B4GALNT3: variants seen among roughly 807,000 people sequenced by gnomAD.
B4GALNT3 encodes beta-1,4-N-acetyl-galactosaminyltransferase 3, also known as beta-1,4-N-acetylgalactosaminyltransferase 3.
B4GALNT3 carries 86 observed loss-of-function variants against 120.2 expected under a neutral mutation model. The ratio of observed to expected loss-of-function variants is 0.72; its 90% confidence interval spans 0.60 to 0.86. B4GALNT3 has a LOEUF of 0.86. Ranked by LOEUF, B4GALNT3 falls within the 40% of genes least tolerant of loss-of-function variation. The probability of loss-of-function intolerance (pLI) is 0.00; values close to 1 mark genes in which losing one functional copy is unlikely to be tolerated. For synonymous variants in B4GALNT3, 518 were observed against 510.4 expected, an observed-to-expected ratio of 1.01 and a Z score of -0.20; for missense variants, 1,167 against 1,298.9, an observed-to-expected ratio of 0.90 and a Z score of 1.56.
At chr12:541,830 TC>T (rs1182718859) in intron 3 of B4GALNT3, among the ~76,000 whole-genome samples, 4 of 40,246 alleles carry the variant, frequency 9.9e-5, no homozygotes, top group African/African-American at 1.9e-4. Context: ...CCCTGCCCAG[TC>T]CCCCCCCTCA....
In B4GALNT3 at chr12:486,232, C is replaced by T. The variant is rs58036756; in HGVS notation, c.169+25687C>T. 4.8e-3 allele frequency among the ~76,000 whole-genome samples: 559 copies of T among 116,850 alleles called. 3 individuals carry two copies. Among genetic ancestry groups the T allele is most frequent in the African/African-American group, 0.018 (529 of 30,170 alleles). 76.7% of individuals were successfully genotyped at this position (116,850 alleles called of 152,430 possible). A position where few individuals can be genotyped will look rare whatever the true frequency, so the allele number is the denominator to read the frequency against. On this transcript the variant is annotated intron_variant, in intron 1 of 19. Transcript: ENST00000266383. ...TTTTTTTTTTTTTTTTTTTTTGAGA[C>T]GGAGTCTCACTTTGCCACCCAGGCT...
rs530433914 is a variant in B4GALNT3 at position 494,989 on chromosome 12, T to A, written c.169+34444T>A. Among the ~76,000 whole-genome samples the A allele has an allele frequency of 9.9e-4, 151 of 152,344 alleles. 1 individual carries two copies. Among genetic ancestry groups the A allele is most frequent in the South Asian group, 4.8e-3 (23 of 4,822 alleles). On this transcript the variant is annotated intron_variant, in intron 1 of 19. Transcript: ENST00000266383. The stretch of plus-strand genomic sequence containing the variant: ...TAAAAAGGAGGCCTGGAGTTCTTGT[T>A]CTGGCTCTGCATAGCGTAAGCACAG...
chr12:508,143 G>A (rs562400748), intron 1 of B4GALNT3, among the ~76,000 whole-genome samples: 3 of 152,350 alleles, frequency 2.0e-5, no homozygotes, highest in South Asian at 4.1e-4. Flanking sequence ...TGTCTTTTCC[G>A]CTGGCCCTGC....
chr12:463,048 C>A (rs1402370796), intron 1 of B4GALNT3, among the ~76,000 whole-genome samples: 1 of 152,204 alleles, frequency 6.6e-6, no homozygotes, highest in Non-Finnish European at 1.5e-5. Flanking sequence ...ACCACAGCAA[C>A]CAGAACCAGC....
chr12:556,293 C>T (rs2120738829), intron 14 of B4GALNT3, among the ~76,000 whole-genome samples: 1 of 152,310 alleles, frequency 6.6e-6, no homozygotes, highest in South Asian at 2.1e-4. Flanking sequence ...TCTTATTCAG[C>T]TCATGTACTT....
chr12:555,177 C>CA (rs1309484056), intron 14 of B4GALNT3: 301 of 304,704 alleles, frequency 9.9e-4, no homozygotes, highest in South Asian at 1.3e-3. Flanking sequence ...GACTCTGTCT[C>CA]AAAAAAAAAG....
chr12:559,536 G>A (rs1565613392), intron 19 of B4GALNT3, 115 bp downstream of exon 19: 11 of 1,457,874 alleles, frequency 7.5e-6, no homozygotes, highest in East Asian at 2.3e-5. Context: ...CCAAAGCACA[G>A]TAAAGAGCAC....
chr12:482,529 T>C (rs1373551484), intron 1 of B4GALNT3, among the ~76,000 whole-genome samples: 1 of 152,190 alleles, frequency 6.6e-6, no homozygotes, highest in South Asian at 2.1e-4. Flanking sequence ...TTTATTGAGT[T>C]CCAATAAAGA....
At chr12:491,713 A>G (rs557832217) in intron 1 of B4GALNT3, among the ~76,000 whole-genome samples, 1 of 152,082 alleles carries the variant, frequency 6.6e-6, no homozygotes, top group Non-Finnish European at 1.5e-5. Flanking sequence ...CCTACAACTA[A>G]CATTATACTT....
At chr12:470,752 G>A (rs1326260018) in intron 1 of B4GALNT3, among the ~76,000 whole-genome samples, 1 of 152,006 alleles carries the variant, frequency 6.6e-6, no homozygotes, top group African/African-American at 2.4e-5. Context: ...GTTTTGTTTT[G>A]TTTTGAGATG....
intron 1 of B4GALNT3, among the ~76,000 whole-genome samples, chr12:529,401 C>A (rs1946785836): frequency 6.6e-6 from 1 of 152,164 alleles, no homozygotes; most frequent in South Asian, 2.1e-4. Flanking sequence ...CTGGGTTGAG[C>A]AGTCTCCACC....
intron 14 of B4GALNT3, among the ~76,000 whole-genome samples, chr12:554,600 C>T (rs547974636): frequency 6.6e-6 from 1 of 150,834 alleles, no homozygotes; most frequent in East Asian, 2.0e-4. Flanking sequence ...ACCATCCTGG[C>T]TAACACGGTG....
intron 1 of B4GALNT3, among the ~76,000 whole-genome samples, chr12:534,660 C>A (rs1946840345): frequency 2.0e-5 from 3 of 152,268 alleles, no homozygotes; most frequent in Admixed American, 6.5e-5. Context: ...GACATCACAT[C>A]CCAGGCCCAC....
chr12:511,097 G>A (rs1367510082), intron 1 of B4GALNT3, among the ~76,000 whole-genome samples: 2 of 128,372 alleles, frequency 1.6e-5, no homozygotes, highest in Non-Finnish European at 3.1e-5. Flanking sequence ...GAGTGCAGTG[G>A]CAGCTCACTG....
intron 14 of B4GALNT3, 123 bp downstream of exon 14, chr12:554,106 C>A: frequency 2.9e-6 from 2 of 689,706 alleles, no homozygotes. Flanking sequence ...GGAACTTTGC[C>A]CCCGACTCAG....
intron 3 of B4GALNT3, chr12:540,374 C>CGTTTGTTCATT (rs1321968964): frequency 6.6e-6 from 1 of 152,186 alleles, no homozygotes; most frequent in Non-Finnish European, 1.5e-5. Flanking sequence ...CTCCTCCAAG[C>CGTTTGTTCATT]GTTTGTTCAT....
At chr12:462,727 C>T (rs1051313682) in intron 1 of B4GALNT3, among the ~76,000 whole-genome samples, 11 of 152,210 alleles carry the variant, frequency 7.2e-5, no homozygotes, top group Non-Finnish European at 1.0e-4. Flanking sequence ...TTGTCCTGCG[C>T]TGTCCCGTTA....
chr12:495,562 G>A (rs1946380895), intron 1 of B4GALNT3, among the ~76,000 whole-genome samples: 1 of 152,138 alleles, frequency 6.6e-6, no homozygotes, highest in African/African-American at 2.4e-5. Context: ...GCCTATGCTT[G>A]GGGCTGTTGT....
chr12:480,398 G>A (rs928799305), intron 1 of B4GALNT3, among the ~76,000 whole-genome samples: 3 of 12,346 alleles, frequency 2.4e-4, no homozygotes, highest in Non-Finnish European at 1.8e-3. Flanking sequence ...CCGGACGTCA[G>A]TTTCCTTTTC....
Sources: allele counts gnomAD v4.1 joint callset (sites outside exome capture counted in the v4.1 genomes callset), GRCh38; gene constraint gnomAD v4.1.1; transcripts MANE v1.5; gene names NCBI Gene and HGNC (gene_info 2026-07-23, HGNC 2026-07-21).